The following MINK1 variants were observed in gnomAD, a reference collection of about 807,000 sequenced individuals.
MINK1 encodes misshapen like kinase 1.
A neutral mutation model predicts 178.4 loss-of-function variants in MINK1; 46 were observed. That is an observed-to-expected ratio of 0.26 (90% confidence interval 0.20 to 0.33). The LOEUF is 0.33. MINK1 is among the 10% of genes least tolerant of loss of function. MINK1 has a pLI of 1.00. For synonymous variants in MINK1, 797 were observed against 709.7 expected (o/e 1.12, Z -1.96); for missense variants, 1,366 against 1,814.9 (o/e 0.75, Z 4.49).
chr17:4,840,535 A>G (rs1910055587), intron 1 of MINK1, among the ~76,000 whole-genome samples: 1 of 152,160 alleles, frequency 6.6e-6, no homozygotes, highest in Non-Finnish European at 1.5e-5. Flanking sequence ...AGAATGGGGT[A>G]TATGAGAGAG....
chr17:4,896,476 C>G lies in MINK1; in HGVS notation c.3663C>G (p.Thr1221=), dbSNP rs375006681. The G allele has an allele frequency of 8.7e-6, 14 of 1,613,820 alleles. No homozygotes were observed. In the African/African-American group the frequency reaches 1.2e-4, roughly 14 times the overall value. ...ATGCCATCATCTTCCTCCCCAACAC[C>G]GACGGCATGGAGATGCTGCTGTGCT... ...TPHAIIFLPN[T]DGMEMLLCYE... The change falls in exon 30 of 32, where the codon ACC becomes ACG. Residue 1221 remains threonine (T), a synonymous_variant. Coordinates refer to ENST00000355280, the MANE Select transcript of MINK1 (RefSeq NM_153827.5). The surrounding 1 kb of genome is among the most constrained non-coding windows in gnomAD (Gnocchi z 4.6).
intron 1 of MINK1, chr17:4,875,024 C>T (rs1048481469): frequency 5.8e-6 from 3 of 519,776 alleles, no homozygotes; most frequent in South Asian, 4.2e-5. Context: ...AAATTATGAC[C>T]CTAGATCCTT....
rs551412941 is a variant in MINK1 at position 4,887,217 on chromosome 17, T to C, written c.1019+38T>C. On this transcript the variant is annotated intron_variant, in intron 11 of 31. Coordinates refer to ENST00000355280, the MANE Select transcript of MINK1 (RefSeq NM_153827.5). The surrounding 1 kb of genome is among the most constrained non-coding windows in gnomAD (Gnocchi z 7.6). ...GGTGGAGTGGGGGTTGGGGCGGTCA[T>C]CGCTGAGTGGGGGGACTACAGTGGT... The C allele has an allele frequency of 7.3e-5, 114 of 1,552,390 alleles. 1 individual carries two copies. The highest frequency in any genetic ancestry group is 7.0e-4 in the South Asian group (60 of 85,142).
intron 4 of MINK1, among the ~76,000 whole-genome samples, chr17:4,881,704 A>G (rs1967714437): frequency 6.6e-6 from 1 of 152,258 alleles, no homozygotes; most frequent in African/African-American, 2.4e-5. Flanking sequence ...CCCAGATGCT[A>G]CAGAGCACCC....
chr17:4,892,893 T>C (rs1317617927), intron 19 of MINK1, 86 bp from the exon 20 acceptor site: 2 of 1,410,660 alleles, frequency 1.4e-6, no homozygotes, highest in East Asian at 5.0e-5. Flanking sequence ...GTATGGAACT[T>C]GGGGCTGAGT....
intron 1 of MINK1, chr17:4,857,467 T>G (rs1346414545): frequency 7.1e-6 from 1 of 141,398 alleles, no homozygotes; most frequent in Admixed American, 7.1e-5. Flanking sequence ...GGTTTTTTTT[T>G]TTTTTTTTTT....
In MINK1 at chr17:4,833,417, G is replaced by T; in HGVS notation, c.-167G>T. The T allele has an allele frequency of 1.8e-6, 1 of 557,910 alleles. No individual in the cohort carries two copies. The allele number at this position is 557,910 out of a possible 1,614,324, so 34.6% of individuals were successfully genotyped here. ...GGCTCCGGGGAGATAGCGCCTGTCAGTCGGTGGGTCGGTCCTCGCGCCGGC... is the reference window on the plus strand; with the variant it reads ...GGCTCCGGGGAGATAGCGCCTGTCATTCGGTGGGTCGGTCCTCGCGCCGGC... On this transcript the variant is annotated 5_prime_UTR_variant, in exon 1 of 32. Transcript: ENST00000355280. The surrounding 1 kb of genome is among the most constrained non-coding windows in gnomAD (Gnocchi z 4.8).
In MINK1 at chr17:4,833,468, A is replaced by T; in HGVS notation, c.-116A>T. On this transcript the variant is annotated 5_prime_UTR_variant, in exon 1 of 32. Coordinates refer to ENST00000355280, the MANE Select transcript of MINK1 (RefSeq NM_153827.5). The surrounding 1 kb of genome is among the most constrained non-coding windows in gnomAD (Gnocchi z 4.8). ...CCTCCCCCTCCCCGGTCTCCGGGGGAGGCGCGGTGGAGTCCGCCCCCGGGG... is the reference window on the plus strand; with the variant it reads ...CCTCCCCCTCCCCGGTCTCCGGGGGTGGCGCGGTGGAGTCCGCCCCCGGGG... 1 of 798,136 alleles carries T rather than the reference A, an allele frequency of 1.3e-6. No homozygotes were observed. Among genetic ancestry groups the T allele is most frequent in the Non-Finnish European group, 1.9e-6 (1 of 526,812 alleles). 49.4% of individuals were successfully genotyped at this position (798,136 alleles called of 1,614,324 possible).
chr17:4,837,937 C>T (rs149743953), intron 1 of MINK1, among the ~76,000 whole-genome samples: 4 of 152,140 alleles, frequency 2.6e-5, no homozygotes, highest in Non-Finnish European at 5.9e-5. Flanking sequence ...TCGCCTTCCT[C>T]CTCTCTTCAT....
intron 1 of MINK1, among the ~76,000 whole-genome samples, chr17:4,843,368 C>A (rs1910535036): frequency 6.6e-6 from 1 of 151,888 alleles, no homozygotes; most frequent in African/African-American, 2.4e-5. Flanking sequence ...ATCCCAGCTA[C>A]TGGGGAGGGT....
intron 1 of MINK1, among the ~76,000 whole-genome samples, chr17:4,864,120 C>A (rs939714727): frequency 2.0e-5 from 3 of 151,966 alleles, no homozygotes; most frequent in African/African-American, 7.2e-5. Context: ...GCTATGGGGG[C>A]CAGGTGCAGT....
Position 4,891,059 on chromosome 17 carries a change from C to T in MINK1, c.1675C>T (p.Pro559Ser), listed in dbSNP as rs975794790. Residue 559 changes from proline to serine, a missense_variant, in exon 15 of 32, where the codon CCA becomes TCA. Around this residue, in one of 14 missense-constraint regions of MINK1, gnomAD observed 709 missense variants for 692.3 expected, o/e 1.02. Coordinates refer to ENST00000355280, the MANE Select transcript of MINK1 (RefSeq NM_153827.5). ...PPIPQASPGP[P>S]GPLSQTPPMQ... The stretch of plus-strand genomic sequence containing the variant: ...CATCCCCCAGGCCTCCCCAGGGCCC[C>T]CAGGACCCCTTTCCCAGACTCCTCC... 4.5e-6 allele frequency: 7 copies of T among 1,554,278 alleles called. No homozygotes were observed. The highest frequency in any genetic ancestry group is 4.1e-5 in the African/African-American group (3 of 73,132).
At chr17:4,897,102 CCCT>C in intron 31 of MINK1, 99 bp from the exon 32 acceptor site, 1 of 1,033,546 alleles carries the variant, frequency 9.7e-7, no homozygotes, top group Middle Eastern at 2.0e-4. Flanking sequence ...CTCTGTGTCT[CCCT>C]CAACTCTTCT....
chr17:4,847,656 G>A (rs1331894094), intron 1 of MINK1, among the ~76,000 whole-genome samples: 1 of 152,200 alleles, frequency 6.6e-6, no homozygotes, highest in Non-Finnish European at 1.5e-5. Context: ...GTAATTTACA[G>A]TGTTCTATAT....
In MINK1 at chr17:4,885,985, G is replaced by A; in HGVS notation, c.694+20G>A. 1.2e-6 allele frequency: 2 copies of A among 1,613,716 alleles called. No homozygotes were observed. Among genetic ancestry groups the A allele is most frequent in the East Asian group, 4.5e-5 (2 of 44,876 alleles). On this transcript the variant is annotated intron_variant, in intron 8 of 31. Coordinates refer to ENST00000355280, the MANE Select transcript of MINK1 (RefSeq NM_153827.5). This position sits in a 1 kb window ranked among gnomAD's most constrained non-coding sequence, Gnocchi z 5.0. ...CCCCCCGTAAGTTCTGAGTCTGCCG[G>A]GAGTGGGAGGGGAGGGAAAGGAAGG...
chr17:4,895,267 G>A lies in MINK1; in HGVS notation c.3085+25G>A. The A allele has an allele frequency of 1.2e-6, 2 of 1,613,450 alleles. No individual in the cohort carries two copies. Among genetic ancestry groups the A allele is most frequent in the Non-Finnish European group, 1.7e-6 (2 of 1,179,508 alleles). ...GGTAAGCCAGGGCAGGGACAGCTGA[G>A]GAGGCTCTGGCGTGGCTCTTGTGCT... On this transcript the variant is annotated intron_variant, in intron 25 of 31. Coordinates refer to ENST00000355280, the MANE Select transcript of MINK1 (RefSeq NM_153827.5). This position sits in a 1 kb window ranked among gnomAD's most constrained non-coding sequence, Gnocchi z 4.3.
chr17:4,881,242 C>T lies in MINK1; in HGVS notation c.291C>T (p.Asn97=), dbSNP rs148255651. The T allele has an allele frequency of 6.6e-5, 101 of 1,537,156 alleles. No homozygotes were observed. In the African/African-American group the frequency reaches 1.2e-3, roughly 18 times the overall value. ...TCATCAAGAAGAGCCCCCCGGGAAACGATGACCAGCTCTGGGTGAGAAACG... is the reference window on the plus strand; with the variant it reads ...TCATCAAGAAGAGCCCCCCGGGAAATGATGACCAGCTCTGGGTGAGAAACG... ...GAFIKKSPPG[N]DDQLWLVMEF... The change falls in exon 4 of 32, where the codon AAC becomes AAT. Residue 97 remains asparagine (N), a synonymous_variant. Transcript: ENST00000355280.
At chr17:4,873,338 C>A (rs1175581745) in intron 1 of MINK1, among the ~76,000 whole-genome samples, 1 of 147,000 alleles carries the variant, frequency 6.8e-6, no homozygotes, top group East Asian at 2.0e-4. Flanking sequence ...GCCTGTTCTC[C>A]CACAGCACAG....
chr17:4,880,758 G>A (rs1967625222), intron 2 of MINK1, among the ~76,000 whole-genome samples: 2 of 151,910 alleles, frequency 1.3e-5, no homozygotes. Flanking sequence ...AAATTAGCCG[G>A]GCGAGGTGGT....
Sources: allele counts gnomAD v4.1 joint callset (sites outside exome capture counted in the v4.1 genomes callset), GRCh38; gene constraint gnomAD v4.1.1; regional missense constraint gnomAD v4.1.1; non-coding constraint Gnocchi (gnomAD v3.1); transcripts MANE v1.5; gene names NCBI Gene and HGNC (gene_info 2026-07-23, HGNC 2026-07-21).